Variants in MYO3B observed in about 807,000 individuals in gnomAD.
MYO3B encodes myosin-IIIb.
In MYO3B, 156 loss-of-function variants were observed where a neutral mutation model predicts 174.6. That is an observed-to-expected ratio of 0.89 (90% CI 0.78 to 1.02). The LOEUF is 1.02. MYO3B is among the 50% of genes least tolerant of loss of function. The pLI is 0.00. For missense variants in MYO3B, 1,632 were observed against 1,639.4 expected (o/e 1.00, Z 0.08); for synonymous variants, 563 against 569.1 (o/e 0.99, Z 0.15).
At chr2:170,580,371 C>T (rs1223631539) in intron 32 of MYO3B, among the ~76,000 whole-genome samples, 1 of 152,218 alleles carries the variant, frequency 6.6e-6, no homozygotes, top group African/African-American at 2.4e-5. Context: ...GGCACAGTGG[C>T]TCATGCCTGT....
At chr2:170,452,327 G>A (rs1683643726) in intron 23 of MYO3B, among the ~76,000 whole-genome samples, 1 of 152,172 alleles carries the variant, frequency 6.6e-6, no homozygotes, top group Admixed American at 6.5e-5. Context: ...GGTCTGTGGT[G>A]CCACCTCTGT....
intron 7 of MYO3B, among the ~76,000 whole-genome samples, chr2:170,243,105 C>T (rs1416953830): frequency 1.3e-5 from 2 of 152,176 alleles, no homozygotes; most frequent in Non-Finnish European, 2.9e-5. Context: ...TATAGTGGTC[C>T]AGCATGGTTG....
intron 22 of MYO3B, among the ~76,000 whole-genome samples, chr2:170,420,722 A>G (rs552039790): frequency 6.6e-6 from 1 of 152,292 alleles, no homozygotes; most frequent in South Asian, 2.1e-4. Context: ...TCTGACTGAA[A>G]AGATCATAAG....
At chr2:170,313,220 C>T (rs888671067) in intron 7 of MYO3B, among the ~76,000 whole-genome samples, 74 of 152,154 alleles carry the variant, frequency 4.9e-4, no homozygotes, top group African/African-American at 1.6e-3. Context: ...GTTATTTCAC[C>T]TTTCTCAACT....
rs1483442563 is a variant in MYO3B at position 170,198,472 on chromosome 2, G to T, written c.3-736G>T. Among the ~76,000 whole-genome samples the T allele has an allele frequency of 2.6e-5, 4 of 152,130 alleles. No homozygotes were observed. The East Asian group carries it at 5.8e-4, about 22-fold the overall frequency. ...TTCTGTTTTCCTCCTTCAGGAGGAA[G>T]GAACAAGAATTGGACTAGAAGAAGA... On this transcript the variant is annotated intron_variant, in intron 1 of 34. Coordinates refer to ENST00000408978, the MANE Select transcript of MYO3B (RefSeq NM_138995.5).
At chr2:170,199,440 C>T in intron 2 of MYO3B, 49 bp downstream of exon 2, 1 of 1,333,754 alleles carries the variant, frequency 7.5e-7, no homozygotes, top group Non-Finnish European at 1.0e-6. Flanking sequence ...TTTATGCACA[C>T]TGAGTTTTCA....
intron 7 of MYO3B, among the ~76,000 whole-genome samples, chr2:170,298,205 C>T (rs2093640456): frequency 6.6e-6 from 1 of 152,098 alleles, no homozygotes; most frequent in Non-Finnish European, 1.5e-5. Context: ...GAAAGCATCT[C>T]AGATGGTGAA....
intron 32 of MYO3B, among the ~76,000 whole-genome samples, chr2:170,649,346 A>AAT (rs1698799222): frequency 1.1e-5 from 1 of 90,884 alleles, no homozygotes; most frequent in Non-Finnish European, 1.9e-5. Flanking sequence ...TTATATATAA[A>AAT]ATAATATATA....
chr2:170,546,429 G>A (rs1028318761), intron 32 of MYO3B, among the ~76,000 whole-genome samples: 8 of 152,206 alleles, frequency 5.3e-5, no homozygotes, highest in African/African-American at 1.9e-4. Context: ...GTTTTAAAAT[G>A]TATTTCTAAC....
At chr2:170,258,442 C>A (rs1360500753) in intron 7 of MYO3B, among the ~76,000 whole-genome samples, 2 of 151,954 alleles carry the variant, frequency 1.3e-5, no homozygotes, top group East Asian at 3.8e-4. Context: ...ACCACATAAA[C>A]AGAATTAAAA....
At chr2:170,415,558 A>G (rs911975050) in intron 22 of MYO3B, among the ~76,000 whole-genome samples, 4 of 152,232 alleles carry the variant, frequency 2.6e-5, no homozygotes, top group Admixed American at 1.3e-4. Flanking sequence ...TCTGGCATAT[A>G]GTAAGCATTC....
chr2:170,178,884 G>C (rs2092364279), intron 1 of MYO3B, among the ~76,000 whole-genome samples: 1 of 152,192 alleles, frequency 6.6e-6, no homozygotes, highest in South Asian at 2.1e-4. Context: ...TATCATGACA[G>C]ATTTGTTAAT....
chr2:170,385,093 G>C (rs975619593), intron 12 of MYO3B, among the ~76,000 whole-genome samples: 2 of 152,014 alleles, frequency 1.3e-5, no homozygotes, highest in African/African-American at 4.8e-5. Context: ...AAATAGAAGA[G>C]ACACATGGGG....
At chr2:170,562,635 G>A (rs1691788267) in intron 32 of MYO3B, among the ~76,000 whole-genome samples, 1 of 152,210 alleles carries the variant, frequency 6.6e-6, no homozygotes, top group African/African-American at 2.4e-5. Flanking sequence ...ATTCTGTAAT[G>A]TGAAGATATT....
chr2:170,625,657 T>G (rs1696348756), intron 32 of MYO3B, among the ~76,000 whole-genome samples: 1 of 152,246 alleles, frequency 6.6e-6, no homozygotes, highest in African/African-American at 2.4e-5. Flanking sequence ...GGGTGTCAAT[T>G]TTAGATCTTT....
At chr2:170,418,656 A>G (rs1047405129) in intron 22 of MYO3B, among the ~76,000 whole-genome samples, 1 of 152,160 alleles carries the variant, frequency 6.6e-6, no homozygotes, top group African/African-American at 2.4e-5. Context: ...TGCACCTCAC[A>G]TTCTAAGTTC....
At chr2:170,281,318 C>T (rs1427629466) in intron 7 of MYO3B, among the ~76,000 whole-genome samples, 1 of 152,032 alleles carries the variant, frequency 6.6e-6, no homozygotes, top group South Asian at 2.1e-4. Context: ...AATATATATT[C>T]TTCTCATTGT....
chr2:170,444,585 G>A lies in MYO3B; in HGVS notation c.2730+539G>A, dbSNP rs369184119. Among the ~76,000 whole-genome samples the A allele has an allele frequency of 3.9e-5, 6 of 152,262 alleles. No homozygotes were observed. In the South Asian group the frequency reaches 1.2e-3, roughly 32 times the overall value. On this transcript the variant is annotated intron_variant, in intron 23 of 34. Coordinates refer to ENST00000408978, the MANE Select transcript of MYO3B (RefSeq NM_138995.5). The stretch of plus-strand genomic sequence containing the variant: ...GTTATCTTGAAGGTGTTGGAGTAAA[G>A]GCTGGTCACGTTTCTGAATTTTCTT...
chr2:170,317,945 A>C (rs551471946), intron 7 of MYO3B, among the ~76,000 whole-genome samples: 1 of 152,072 alleles, frequency 6.6e-6, no homozygotes, highest in African/African-American at 2.4e-5. Context: ...GCATTGAAAA[A>C]CTCAGTGAGT....
Sources: allele counts gnomAD v4.1 joint callset (sites outside exome capture counted in the v4.1 genomes callset), GRCh38; gene constraint gnomAD v4.1.1; transcripts MANE v1.5; gene names NCBI Gene and HGNC (gene_info 2026-07-23, HGNC 2026-07-21).